The following CUX1 variants were observed in gnomAD, a reference collection of about 807,000 sequenced individuals.
The protein encoded by CUX1 is protein CASP.
Under a neutral mutation model 158.8 loss-of-function variants are expected in CUX1, and 31 were observed. The ratio of observed to expected loss-of-function variants is 0.20; its 90% CI spans 0.15 to 0.26. CUX1 has a LOEUF of 0.26. CUX1 is among the 10% of genes least tolerant of loss of function. The pLI is 1.00. For missense variants in CUX1, 1,589 were observed against 2,014.6 expected (o/e 0.79, Z 4.04); for synonymous variants, 879 against 862.1 (o/e 1.02, Z -0.34).
intron 4 of CUX1, among the ~76,000 whole-genome samples, chr7:102,082,051 C>A (rs1827476756): frequency 6.8e-6 from 1 of 146,688 alleles, no homozygotes; most frequent in East Asian, 1.9e-4. Flanking sequence ...GAGCCAGCAG[C>A]CTCCAGAATG....
intron 1 of CUX1, among the ~76,000 whole-genome samples, chr7:101,892,980 C>G (rs1224693421): frequency 2.0e-5 from 3 of 151,992 alleles, no homozygotes; most frequent in Non-Finnish European, 4.4e-5. Flanking sequence ...TTCTCTTGTT[C>G]TATTACTAGA....
intron 2 of CUX1, among the ~76,000 whole-genome samples, chr7:101,973,749 A>G (rs1323795414): frequency 6.7e-6 from 1 of 149,662 alleles, no homozygotes; most frequent in Non-Finnish European, 1.5e-5. Flanking sequence ...CTTGCCCCAG[A>G]TTCTTTTTCT....
intron 1 of CUX1, among the ~76,000 whole-genome samples, chr7:101,903,838 A>C (rs1021408355): frequency 2.6e-5 from 4 of 152,108 alleles, no homozygotes; most frequent in Non-Finnish European, 5.9e-5. Flanking sequence ...AAAACAAAAA[A>C]ACAAATTCTT....
At position 102,250,514 on chromosome 7, in the gene CUX1, T is replaced by C. The variant is rs931206633; in HGVS notation, c.*1472T>C. The C allele has an allele frequency of 3.0e-6, 3 of 985,484 alleles. No homozygotes were observed. Among genetic ancestry groups the C allele is most frequent in the Non-Finnish European group, 2.4e-6 (2 of 829,966 alleles). 61.0% of individuals were successfully genotyped at this position (985,484 alleles called of 1,614,324 possible). A position where few individuals can be genotyped will look rare whatever the true frequency, so the allele number is the denominator to read the frequency against. ...GCAAGCACTGATGACCCTGTTGAACTCGTGGGAAACTTCCTTTCTCTGCAG... is the reference window on the plus strand; with the variant it reads ...GCAAGCACTGATGACCCTGTTGAACCCGTGGGAAACTTCCTTTCTCTGCAG... On this transcript the variant is annotated 3_prime_UTR_variant, in exon 24 of 24. Coordinates refer to ENST00000292535, the MANE Select transcript of CUX1 (RefSeq NM_181552.4).
intron 4 of CUX1, among the ~76,000 whole-genome samples, chr7:102,079,732 A>G (rs2130724714): frequency 6.6e-6 from 1 of 152,260 alleles, no homozygotes; most frequent in Admixed American, 6.5e-5. Context: ...ATTTTCATTC[A>G]TGTGATTAAG....
intron 10 of CUX1, among the ~76,000 whole-genome samples, chr7:102,177,275 G>A (rs1713526935): frequency 6.6e-6 from 1 of 151,874 alleles, no homozygotes; most frequent in Admixed American, 6.6e-5. Flanking sequence ...TGAGCCAAGT[G>A]TGGTGGTGCC....
At chr7:102,211,778 T>TAAAA (rs66627422) in intron 20 of CUX1, among the ~76,000 whole-genome samples, 3 of 77,456 alleles carry the variant, frequency 3.9e-5, no homozygotes, top group Non-Finnish European at 7.5e-5. Context: ...AAACTCCATC[T>TAAAA]AAAAAAAAAA....
chr7:101,956,437 G>A (rs555077115), intron 2 of CUX1, among the ~76,000 whole-genome samples: 1 of 152,142 alleles, frequency 6.6e-6, no homozygotes, highest in East Asian at 1.9e-4. Context: ...AGGATATGTA[G>A]TTCATGACTT....
At chr7:102,075,276 T>C (rs1826583113) in intron 4 of CUX1, among the ~76,000 whole-genome samples, 2 of 152,104 alleles carry the variant, frequency 1.3e-5, no homozygotes, top group Admixed American at 1.3e-4. Context: ...GTGGCATGAG[T>C]CTAAGTGCTT....
intron 2 of CUX1, among the ~76,000 whole-genome samples, chr7:101,930,379 G>A (rs1053921210): frequency 1.3e-5 from 2 of 152,154 alleles, no homozygotes; most frequent in Non-Finnish European, 2.9e-5. Context: ...CAAAGCGTGG[G>A]AAAATCTCCC....
intron 3 of CUX1, among the ~76,000 whole-genome samples, chr7:102,043,283 G>T (rs1485509271): frequency 6.7e-6 from 1 of 149,616 alleles, no homozygotes; most frequent in African/African-American, 2.5e-5. Flanking sequence ...CATACATTAC[G>T]AAGTGATTTC....
Position 102,250,060 on chromosome 7 carries a change from A to C in CUX1, c.*1018A>C. ...AATCAGGACAAAAAAAAGAAAAAAA[A>C]AGAAAAAAAAAAAAGAAAAGATCCG... On this transcript the variant is annotated 3_prime_UTR_variant, in exon 24 of 24. Coordinates refer to ENST00000292535, the MANE Select transcript of CUX1 (RefSeq NM_181552.4). 1 of 979,526 alleles carries C rather than the reference A, an allele frequency of 1.0e-6. No individual in the cohort carries two copies. The highest frequency in any genetic ancestry group is 1.2e-6 in the Non-Finnish European group (1 of 826,170). 60.7% of individuals were successfully genotyped at this position (979,526 alleles called of 1,614,324 possible). A position where few individuals can be genotyped will look rare whatever the true frequency, so the allele number is the denominator to read the frequency against.
intron 2 of CUX1, among the ~76,000 whole-genome samples, chr7:102,015,893 C>A (rs536558662): frequency 1.1e-4 from 16 of 152,294 alleles, no homozygotes; most frequent in African/African-American, 3.6e-4. Flanking sequence ...CGACTCACTG[C>A]AGCCATGACC....
chr7:101,870,131 C>A (rs1266797942), intron 1 of CUX1, among the ~76,000 whole-genome samples: 2 of 149,668 alleles, frequency 1.3e-5, no homozygotes, highest in African/African-American at 5.0e-5. Context: ...CCATGCAGGC[C>A]CTGATGTTTA....
intron 23 of CUX1, among the ~76,000 whole-genome samples, chr7:102,241,450 G>A (rs1291132638): frequency 2.0e-5 from 3 of 152,064 alleles, no homozygotes; most frequent in African/African-American, 4.8e-5. Context: ...AGGTCTAGCC[G>A]ATGGCAGTGG....
chr7:102,282,796 C>A (rs782612125), intron 22 of CUX1: 6 of 1,401,078 alleles, frequency 4.3e-6, no homozygotes, highest in Non-Finnish European at 5.8e-6. Context: ...CCCACTTGGG[C>A]CCCCCCTCAG....
At chr7:102,123,432 A>G (rs1261179818) in intron 8 of CUX1, among the ~76,000 whole-genome samples, 8 of 151,726 alleles carry the variant, frequency 5.3e-5, no homozygotes, top group African/African-American at 1.9e-4. Flanking sequence ...ACACAGTGAA[A>G]CCCCATCTCT....
chr7:102,273,443 C>G, exon 15 of CUX1: 1 of 1,613,484 alleles, frequency 6.2e-7, no homozygotes, highest in Non-Finnish European at 8.5e-7. Flanking sequence ...GATCGCCCGC[C>G]TGGAGCAGGA....
In CUX1 at chr7:102,239,591, CG is replaced by C; in HGVS notation, c.3887+9del. 6.2e-7 allele frequency: 1 copy of C among 1,607,870 alleles called. No individual in the cohort carries two copies. Among genetic ancestry groups the C allele is most frequent in the Non-Finnish European group, 8.5e-7 (1 of 1,175,024 alleles). ...ACTGGTTCCACAACTACAGGTACGA[CG>C]GCTGGCTCACAGGGAGCGCCGGTCG... On this transcript the variant is annotated splice_region_variant and intron_variant, in intron 23 of 23. Transcript: ENST00000292535.
Sources: allele counts gnomAD v4.1 joint callset (sites outside exome capture counted in the v4.1 genomes callset), GRCh38; gene constraint gnomAD v4.1.1; transcripts MANE v1.5; gene names NCBI Gene and HGNC (gene_info 2026-07-23, HGNC 2026-07-21).